CYTH3: variants seen among roughly 807,000 people sequenced by gnomAD.
The protein encoded by CYTH3 is cytohesin-3.
CYTH3 carries 23 observed loss-of-function variants against 55.1 expected under a neutral mutation model. The observed-to-expected ratio is 0.42, with a 90% CI of 0.30 to 0.59. The LOEUF is 0.59. Ranked by LOEUF, CYTH3 falls within the 20% of genes least tolerant of loss-of-function variation. The pLI is 0.20. For missense variants in CYTH3, 413 were observed against 524.8 expected, an observed-to-expected ratio of 0.79 and a Z score of 2.08; for synonymous variants, 249 against 194.9, an observed-to-expected ratio of 1.28 and a Z score of -2.31.
At chr7:6,168,792 C>T (rs767095617) in intron 9 of CYTH3, among the ~76,000 whole-genome samples, 7 of 152,238 alleles carry the variant, frequency 4.6e-5, no homozygotes, top group Non-Finnish European at 1.0e-4. Context: ...TCTCTAGAGC[C>T]GACCTTTCCC....
At chr7:6,262,732 A>G (rs1780382553) in intron 1 of CYTH3, among the ~76,000 whole-genome samples, 1 of 152,140 alleles carries the variant, frequency 6.6e-6, no homozygotes, top group African/African-American at 2.4e-5. Context: ...AAAGCCTCCA[A>G]CTATAATCCT....
At position 6,184,218 on chromosome 7, in the gene CYTH3, A is replaced by T. The variant is rs187635401; in HGVS notation, c.249+2832T>A. 6.3e-3 allele frequency among the ~76,000 whole-genome samples: 948 copies of T among 150,100 alleles called. 7 individuals carry two copies. Among genetic ancestry groups the T allele is most frequent in the African/African-American group, 0.022 (899 of 40,892 alleles). ...TGGGACTACAGGCGCCCGTCACCAC[A>T]CCCGGCTAATTTTTTGTATTTTCAG... On this transcript the variant is annotated intron_variant, in intron 4 of 12. Coordinates refer to ENST00000350796, the MANE Select transcript of CYTH3 (RefSeq NM_004227.4).
At chr7:6,223,728 T>C (rs141657178) in intron 1 of CYTH3, among the ~76,000 whole-genome samples, 2,193 of 149,906 alleles carry the variant, frequency 0.015, 57 homozygotes, top group African/African-American at 0.052. Context: ...CTAGGAAAAC[T>C]AGAGACTTTT....
chr7:6,172,790 C>G, intron 6 of CYTH3: 5 of 1,279,938 alleles, frequency 3.9e-6, no homozygotes, highest in Non-Finnish European at 5.1e-6. Flanking sequence ...TAAGCCTGAA[C>G]TGCGGCTGCA....
At chr7:6,228,410 G>A (rs1413259388) in intron 1 of CYTH3, among the ~76,000 whole-genome samples, 1 of 152,116 alleles carries the variant, frequency 6.6e-6, no homozygotes, top group Non-Finnish European at 1.5e-5. Context: ...CTCCAAATAT[G>A]GAGTCTTCTA....
At chr7:6,185,092 A>G (rs1306398388) in intron 4 of CYTH3, among the ~76,000 whole-genome samples, 2 of 152,100 alleles carry the variant, frequency 1.3e-5, no homozygotes, top group Non-Finnish European at 2.9e-5. Context: ...CACAGTTCCA[A>G]CTCCTTAAAG....
intron 1 of CYTH3, among the ~76,000 whole-genome samples, chr7:6,232,950 T>G (rs192607914): frequency 2.0e-5 from 3 of 152,268 alleles, no homozygotes; most frequent in African/African-American, 7.2e-5. Flanking sequence ...CCTACCTCCC[T>G]GCAGCCCTCT....
chr7:6,170,926 G>A lies in CYTH3; in HGVS notation c.615C>T (p.His205=). 1 of 1,614,050 alleles carries A rather than the reference G, an allele frequency of 6.2e-7. No individual in the cohort carries two copies. The highest frequency in any genetic ancestry group is 8.5e-7 in the Non-Finnish European group (1 of 1,179,952). The part of the protein sequence containing the change: ...FAIIMLNTSL[H]NHNVRDKPTA... ...TGGGCTTGTCACGCACGTTGTGGTT[G>A]TGGAGGCTGGTGTTGAGCATGATGA... The change falls in exon 8 of 13, where the codon CAC becomes CAT. Residue 205 remains histidine, a synonymous_variant. Transcript: ENST00000350796. This position sits in a 1 kb window ranked among gnomAD's most constrained non-coding sequence, Gnocchi z 7.8.
intron 4 of CYTH3, among the ~76,000 whole-genome samples, chr7:6,185,365 C>T (rs1783608783): frequency 6.6e-6 from 1 of 151,344 alleles, no homozygotes; most frequent in Non-Finnish European, 1.5e-5. Flanking sequence ...GTGGGCAGAT[C>T]ACCTGAGGTC....
At chr7:6,270,746 G>C (rs6463542) in intron 1 of CYTH3, among the ~76,000 whole-genome samples, 22,853 of 152,072 alleles carry the variant, frequency 0.15, 5,209 homozygotes, top group African/African-American at 0.5. Context: ...GCTTCCCTGT[G>C]ATATATTCCC....
In CYTH3 at chr7:6,190,268, C is replaced by T. The variant is rs562379358; in HGVS notation, c.117+181G>A. Among the ~76,000 whole-genome samples, 6 of 151,298 alleles carry T rather than the reference C, an allele frequency of 4.0e-5. No homozygotes were observed. In the South Asian group the frequency reaches 1.3e-3, roughly 32 times the overall value. On this transcript the variant is annotated intron_variant, in intron 2 of 12. Transcript: ENST00000350796. ...AGTCTTTGCTTTCCCAACTTGATAA[C>T]TTTTCACTCTGTCTCTTTGTGTAGT... is the stretch of plus-strand genomic sequence containing the variant.
intron 9 of CYTH3, among the ~76,000 whole-genome samples, chr7:6,166,790 C>T (rs879828754): frequency 5.9e-5 from 9 of 152,156 alleles, no homozygotes; most frequent in Admixed American, 5.9e-4. Context: ...TCACTCAGTG[C>T]TGCCGTCCTC....
intron 1 of CYTH3, among the ~76,000 whole-genome samples, chr7:6,229,302 AGT>A (rs1779326359): frequency 2.0e-5 from 3 of 152,192 alleles, no homozygotes; most frequent in African/African-American, 7.2e-5. Context: ...GTTTAAAAAC[AGT>A]CTCTTTAAAC....
At chr7:6,224,757 G>A (rs1413772284) in intron 1 of CYTH3, among the ~76,000 whole-genome samples, 1 of 152,156 alleles carries the variant, frequency 6.6e-6, no homozygotes, top group African/African-American at 2.4e-5. Flanking sequence ...ATGTGTACAC[G>A]AATGTTCATA....
Position 6,170,453 on chromosome 7 carries a change from A to T in CYTH3, c.823+82T>A. On this transcript the variant is annotated intron_variant, in intron 9 of 12. Coordinates refer to ENST00000350796, the MANE Select transcript of CYTH3 (RefSeq NM_004227.4). The surrounding 1 kb of genome is among the most constrained non-coding windows in gnomAD (Gnocchi z 7.8). Reference sequence around the variant, plus strand: ...TCTGCCTGCGGTGGGGGGCATTCCTACGATGAGCCTGGGAGGAACCCGAGG... The same window carrying T: ...TCTGCCTGCGGTGGGGGGCATTCCTTCGATGAGCCTGGGAGGAACCCGAGG... The T allele has an allele frequency of 7.6e-7, 1 of 1,309,304 alleles. No homozygotes were observed. Among genetic ancestry groups the T allele is most frequent in the South Asian group, 1.3e-5 (1 of 74,414 alleles). The allele number at this position is 1,309,304 out of a possible 1,614,324, so 81.1% of individuals were successfully genotyped here. A position where few individuals can be genotyped will look rare whatever the true frequency, so the allele number is the denominator to read the frequency against.
chr7:6,259,784 A>AATATATATATATATATTATATAT (rs1780267992), intron 1 of CYTH3, among the ~76,000 whole-genome samples: 1 of 20,948 alleles, frequency 4.8e-5, no homozygotes, highest in African/African-American at 5.0e-4. Flanking sequence ...ATATATATAT[A>AATATATATATATATATTATATAT]ATATATATAT....
At chr7:6,256,320 G>C (rs1183304227) in intron 1 of CYTH3, among the ~76,000 whole-genome samples, 1 of 152,230 alleles carries the variant, frequency 6.6e-6, no homozygotes, top group Non-Finnish European at 1.5e-5. Context: ...ACTCCCATTT[G>C]TGGAACTCCC....
At chr7:6,205,582 A>C (rs1396762311) in intron 1 of CYTH3, among the ~76,000 whole-genome samples, 1 of 152,218 alleles carries the variant, frequency 6.6e-6, no homozygotes, top group African/African-American at 2.4e-5. Flanking sequence ...TCCAACAAAC[A>C]AATAAAAAAC....
intron 1 of CYTH3, among the ~76,000 whole-genome samples, chr7:6,199,823 C>G (rs1784018462): frequency 6.6e-6 from 1 of 152,044 alleles, no homozygotes. Flanking sequence ...GGGTTAATAA[C>G]AAATATAAAA....
Sources: allele counts gnomAD v4.1 joint callset (sites outside exome capture counted in the v4.1 genomes callset), GRCh38; gene constraint gnomAD v4.1.1; non-coding constraint Gnocchi (gnomAD v3.1); transcripts MANE v1.5; gene names NCBI Gene and HGNC (gene_info 2026-07-23, HGNC 2026-07-21).